GAN: variants seen among roughly 807,000 people sequenced by gnomAD.
GAN encodes epididymis secretory sperm binding protein.
A neutral mutation model predicts 71.3 loss-of-function variants in GAN; 48 were observed. The observed-to-expected ratio is 0.67, with a 90% confidence interval of 0.53 to 0.86. The LOEUF (loss-of-function observed/expected upper bound fraction) is 0.86. Ranked by LOEUF, GAN falls within the 40% of genes least tolerant of loss-of-function variation. The pLI is 0.00. For missense variants in GAN, 928 were observed against 770.1 expected (o/e 1.21, Z -2.43); for synonymous variants, 386 against 276.8 (o/e 1.39, Z -3.92).
In GAN at chr16:81,363,474, G is replaced by GA. The variant is rs35727292; in HGVS notation, c.1087-314dup. 0.66 allele frequency among the ~76,000 whole-genome samples: 99,558 copies of GA among 151,988 alleles called. 32,942 individuals carry two copies. Among genetic ancestry groups the GA allele is most frequent in the East Asian group, 0.93 (4,813 of 5,182 alleles). ...TGGTACTTCCATGCTGGAACACTGGGAAAAAAGATTTCTCTAATTTTTAAA... is the reference window on the plus strand; with the variant it reads ...TGGTACTTCCATGCTGGAACACTGGGAAAAAAAGATTTCTCTAATTTTTAAA... On this transcript the variant is annotated intron_variant, in intron 6 of 10. Coordinates refer to ENST00000648994, the MANE Select transcript of GAN (RefSeq NM_022041.4).
intron 1 of GAN, among the ~76,000 whole-genome samples, chr16:81,322,567 A>G (rs185748447): frequency 6.6e-6 from 1 of 152,404 alleles, no homozygotes. Context: ...AGAAACTTAA[A>G]TGTATATTTT....
rs1046551918 is a variant in GAN at position 81,380,031 on chromosome 16, G to A, written c.*2435G>A. On this transcript the variant is annotated 3_prime_UTR_variant, in exon 11 of 11. Transcript: ENST00000648994. ...GCAATAACCAACAAAGCTGCTAAGTGCCAAACTGTTATTTTACTATATATA... is the reference window on the plus strand; with the variant it reads ...GCAATAACCAACAAAGCTGCTAAGTACCAAACTGTTATTTTACTATATATA... 1 of 152,380 alleles carries A rather than the reference G, an allele frequency of 6.6e-6. No individual in the cohort carries two copies. Among genetic ancestry groups the A allele is most frequent in the African/African-American group, 2.4e-5 (1 of 41,340 alleles). 9.4% of individuals were successfully genotyped at this position (152,380 alleles called of 1,614,324 possible). A position where few individuals can be genotyped will look rare whatever the true frequency, so the allele number is the denominator to read the frequency against.
At chr16:81,372,733 A>T (rs1422000819) in intron 9 of GAN, among the ~76,000 whole-genome samples, 3 of 152,238 alleles carry the variant, frequency 2.0e-5, no homozygotes, top group African/African-American at 4.8e-5. Flanking sequence ...ATCTGGGAAG[A>T]ACTTAAATGC....
rs1319114177 is a variant in GAN, at chr16:81,375,314, G to A, written c.1503-1905G>A. ...AAAAATTTAGAGACAGTCTTGCTACGTCCTTTTTTTTTTTTTTAATTTATC... is the reference window on the plus strand; with the variant it reads ...AAAAATTTAGAGACAGTCTTGCTACATCCTTTTTTTTTTTTTTAATTTATC... On this transcript the variant is annotated intron_variant, in intron 9 of 10. Coordinates refer to ENST00000648994, the MANE Select transcript of GAN (RefSeq NM_022041.4). Among the ~76,000 whole-genome samples, 4 of 127,322 alleles carry A rather than the reference G, an allele frequency of 3.1e-5. No individual in the cohort carries two copies. In the Middle Eastern group the frequency reaches 0.013, roughly 412 times the overall value. 83.5% of individuals were successfully genotyped at this position (127,322 alleles called of 152,430 possible).
chr16:81,358,802 G>C (rs895929001), intron 5 of GAN, among the ~76,000 whole-genome samples: 1 of 152,144 alleles, frequency 6.6e-6, no homozygotes, highest in African/African-American at 2.4e-5. Flanking sequence ...GCCTTTGCTG[G>C]CTGCCTGTCT....
chr16:81,372,352 C>A (rs1034329176), intron 9 of GAN, among the ~76,000 whole-genome samples: 1 of 144,802 alleles, frequency 6.9e-6, no homozygotes, highest in African/African-American at 2.4e-5. Context: ...ATTTCATCCT[C>A]ACAACAGTCA....
chr16:81,324,806 G>C (rs2150668707), intron 1 of GAN, among the ~76,000 whole-genome samples: 1 of 152,310 alleles, frequency 6.6e-6, no homozygotes, highest in Admixed American at 6.5e-5. Flanking sequence ...ATTTGTTTGT[G>C]TATTGTTTTA....
rs141672999 is a variant in GAN, at chr16:81,381,322, G to A, written c.*3726G>A. 20 of 152,314 alleles carry A rather than the reference G, an allele frequency of 1.3e-4. No homozygotes were observed. Among genetic ancestry groups the A allele is most frequent in the African/African-American group, 4.8e-4 (20 of 41,560 alleles). 9.4% of individuals were successfully genotyped at this position (152,314 alleles called of 1,614,324 possible). A position where few individuals can be genotyped will look rare whatever the true frequency, so the allele number is the denominator to read the frequency against. On this transcript the variant is annotated 3_prime_UTR_variant, in exon 11 of 11. Transcript: ENST00000648994. ...CCGCAGTATCCCCTTCCAGAATGTT[G>A]GCGTTCATGATTCAAGAGGCCTCCC... is the stretch of plus-strand genomic sequence containing the variant.
intron 1 of GAN, among the ~76,000 whole-genome samples, chr16:81,335,397 A>G (rs1003689240): frequency 6.6e-6 from 1 of 152,066 alleles, no homozygotes; most frequent in Non-Finnish European, 1.5e-5. Flanking sequence ...CGGGCATATC[A>G]CTTGATGTCA....
chr16:81,364,860 G>A, intron 7 of GAN, 114 bp from the exon 8 acceptor site: 1 of 1,052,928 alleles, frequency 9.5e-7, no homozygotes, highest in East Asian at 2.4e-5. Context: ...TTTACGGTTA[G>A]AAATCAAACC....
intron 1 of GAN, among the ~76,000 whole-genome samples, chr16:81,337,487 C>A (rs190926231): frequency 6.6e-6 from 1 of 152,322 alleles, no homozygotes; most frequent in East Asian, 1.9e-4. Context: ...CATTCAGTCA[C>A]GTCTAAAATG....
At chr16:81,332,183 G>GA (rs1222318947) in intron 1 of GAN, among the ~76,000 whole-genome samples, 1 of 150,508 alleles carries the variant, frequency 6.6e-6, no homozygotes, top group Non-Finnish European at 1.5e-5. Context: ...AAAAGAAAAA[G>GA]AAAAAAAAGA....
In GAN at chr16:81,315,186, G is replaced by A. The variant is rs753404094; in HGVS notation, c.73G>A (p.Glu25Lys). Reference sequence around the variant, plus strand: ...GCTGCGAGCGCTCAGCTCTTTCCGCGAGGAGTCTCGCTTCTGCGACGCGCA... The same window carrying A: ...GCTGCGAGCGCTCAGCTCTTTCCGCAAGGAGTCTCGCTTCTGCGACGCGCA... ...RLLRALSSFR[E>K]ESRFCDAHLV... is the part of the protein sequence containing the mutation. The change falls in exon 1 of 11, where the codon GAG becomes AAG. Residue 25 changes from glutamate (E) to lysine (K), a missense_variant. By Grantham distance (56) the Glu-to-Lys change is moderately conservative. Transcript: ENST00000648994. 9 of 1,574,616 alleles carry A rather than the reference G, an allele frequency of 5.7e-6. No homozygotes were observed. Among genetic ancestry groups the A allele is most frequent in the Non-Finnish European group, 7.7e-6 (9 of 1,162,860 alleles).
intron 9 of GAN, among the ~76,000 whole-genome samples, chr16:81,368,036 C>T (rs571364472): frequency 2.0e-5 from 3 of 152,256 alleles, no homozygotes; most frequent in South Asian, 4.1e-4. Flanking sequence ...GAGACCATGT[C>T]GATTGTTTTT....
chr16:81,334,137 T>C (rs1909676151), intron 1 of GAN, among the ~76,000 whole-genome samples: 2 of 152,246 alleles, frequency 1.3e-5, no homozygotes, highest in Admixed American at 6.5e-5. Context: ...TAATTGGACA[T>C]GGTTATGCAG....
chr16:81,357,977 G>T (rs200925513), intron 5 of GAN, 46 bp downstream of exon 5: 1 of 1,522,796 alleles, frequency 6.6e-7, no homozygotes. Flanking sequence ...ATCAAGTAAT[G>T]TGTAATCTCA....
intron 1 of GAN, among the ~76,000 whole-genome samples, chr16:81,347,746 A>T (rs565990650): frequency 6.6e-6 from 1 of 152,210 alleles, no homozygotes; most frequent in East Asian, 1.9e-4. Flanking sequence ...ATTTACAAGT[A>T]TGAAGCCATT....
At position 81,376,660 on chromosome 16, in the gene GAN, A is replaced by T. The variant is rs976607932; in HGVS notation, c.1503-559A>T. ...TATGTGTGTATATATGTGTGTATAT[A>T]TGTGTGTATATACATATGTGTATAT... On this transcript the variant is annotated intron_variant, in intron 9 of 10. Transcript: ENST00000648994. Among the ~76,000 whole-genome samples, 3 of 143,098 alleles carry T rather than the reference A, an allele frequency of 2.1e-5. No homozygotes were observed. In the South Asian group the frequency reaches 6.7e-4, roughly 32 times the overall value. 93.9% of individuals were successfully genotyped at this position (143,098 alleles called of 152,430 possible).
chr16:81,326,363 CAAAAAA>C lies in GAN; in HGVS notation c.167+11098_167+11103del, dbSNP rs66769713. Among the ~76,000 whole-genome samples the C allele has an allele frequency of 3.6e-3, 496 of 138,672 alleles. 1 individual carries two copies. The highest frequency in any genetic ancestry group is 0.012 in the African/African-American group (452 of 37,644). 91.0% of individuals were successfully genotyped at this position (138,672 alleles called of 152,430 possible). On this transcript the variant is annotated intron_variant, in intron 1 of 10. Transcript: ENST00000648994. ...AGAAACACCATCTCTACTAAAAATA[CAAAAAA>C]AAAAAAAAAAAAAATTAGCCAGATG... is the stretch of plus-strand genomic sequence containing the variant.
Sources: gnomAD v4.1 joint callset for allele counts (sites outside exome capture counted in the v4.1 genomes callset) on GRCh38, gnomAD v4.1.1 for gene constraint, MANE v1.5 for transcripts, NCBI Gene and HGNC (gene_info 2026-07-23, HGNC 2026-07-21) for gene names.